PCDHGA5: variants seen among roughly 807,000 people sequenced by gnomAD.
The protein encoded by PCDHGA5 is protocadherin gamma-A5.
Under a neutral mutation model 56.7 loss-of-function variants are expected in PCDHGA5, and 36 were observed. The ratio of observed to expected loss-of-function variants is 0.64; its 90% CI spans 0.49 to 0.84. The LOEUF is 0.84. Among genes scored for constraint, PCDHGA5 ranks in the 40% least tolerant of loss-of-function variants. PCDHGA5 has a pLI of 0.00. For synonymous variants in PCDHGA5, 563 were observed against 520.2 expected (o/e 1.08, Z -1.12); for missense variants, 1,305 against 1,201.5 (o/e 1.09, Z -1.27).
intron 1 of PCDHGA5, chr5:141,372,071 A>G: frequency 6.2e-7 from 1 of 1,613,608 alleles, no homozygotes; most frequent in Non-Finnish European, 8.5e-7. Flanking sequence ...ACGACAATGC[A>G]CCGCTGGTGC....
At chr5:141,390,110 C>T (rs2092051149) in intron 1 of PCDHGA5, 22 of 1,613,970 alleles carry the variant, frequency 1.4e-5, no homozygotes, top group Non-Finnish European at 1.9e-5. Flanking sequence ...CCAACTACAG[C>T]GAGGGGACTT....
chr5:141,376,034 C>T, intron 1 of PCDHGA5: 1 of 1,613,128 alleles, frequency 6.2e-7, no homozygotes, highest in South Asian at 1.1e-5. Context: ...GGACCACGGC[C>T]AGCCCCCTCT....
At chr5:141,460,214 G>A (rs925628892) in intron 1 of PCDHGA5, among the ~76,000 whole-genome samples, 2 of 151,896 alleles carry the variant, frequency 1.3e-5, no homozygotes, top group Admixed American at 6.6e-5. Flanking sequence ...CATTTTCTTA[G>A]TTGTGTCTTT....
chr5:141,455,928 C>T (rs1160778812), intron 1 of PCDHGA5, among the ~76,000 whole-genome samples: 3 of 151,158 alleles, frequency 2.0e-5, no homozygotes, highest in African/African-American at 4.9e-5. Context: ...GACGGAGTCT[C>T]GCTCTGTCGC....
At position 141,423,043 on chromosome 5, in the gene PCDHGA5, T is replaced by C. The variant is rs940921497; in HGVS notation, c.2421+56292T>C. 10 of 1,614,058 alleles carry C rather than the reference T, an allele frequency of 6.2e-6. No homozygotes were observed. The Admixed American group carries it at 1.5e-4, about 24-fold the overall frequency. ...AGATTCAGGCCAGAACGCCTGGCTG[T>C]CCTATCGCCTGCTTAAGGCCAGCGA... is the stretch of plus-strand genomic sequence containing the variant. On this transcript the variant is annotated intron_variant, in intron 1 of 3. Transcript: ENST00000518069.
At chr5:141,384,058 C>T (rs1246180478) in intron 1 of PCDHGA5, 2 of 1,609,504 alleles carry the variant, frequency 1.2e-6, no homozygotes, top group Non-Finnish European at 1.7e-6. Context: ...CTGCACCATT[C>T]CAGAAAACCT....
At chr5:141,434,561 G>A (rs2097702856) in intron 1 of PCDHGA5, among the ~76,000 whole-genome samples, 1 of 152,188 alleles carries the variant, frequency 6.6e-6, no homozygotes, top group Non-Finnish European at 1.5e-5. Flanking sequence ...GTGCCTTAAG[G>A]ACATGCCCCT....
At chr5:141,478,322 C>G (rs1360535508) in intron 1 of PCDHGA5, 28 of 1,613,976 alleles carry the variant, frequency 1.7e-5, no homozygotes, top group Non-Finnish European at 2.3e-5. Context: ...CTCACTGTAC[C>G]GAACACCAGG....
At chr5:141,510,450 T>G (rs1273211856) in intron 3 of PCDHGA5, among the ~76,000 whole-genome samples, 1 of 151,946 alleles carries the variant, frequency 6.6e-6, no homozygotes, top group Non-Finnish European at 1.5e-5. Flanking sequence ...CAGGAGCCCA[T>G]GGTCTAGTGT....
intron 1 of PCDHGA5, chr5:141,394,617 G>T (rs369651266): frequency 8.1e-6 from 13 of 1,613,372 alleles, no homozygotes; most frequent in Non-Finnish European, 1.1e-5. Flanking sequence ...GGGCCAGAAC[G>T]CCTGGCTGTC....
intron 1 of PCDHGA5, chr5:141,398,027 T>G: frequency 6.9e-7 from 1 of 1,449,556 alleles, no homozygotes; most frequent in Non-Finnish European, 9.2e-7. Context: ...AAACTGGAAC[T>G]GGAACTAAAG....
chr5:141,375,605 A>C, intron 1 of PCDHGA5: 2 of 1,614,082 alleles, frequency 1.2e-6, no homozygotes, highest in Non-Finnish European at 1.7e-6. Flanking sequence ...CGTGTCCATC[A>C]ACTCCGACAC....
At chr5:141,497,077 G>A (rs191605427) in intron 2 of PCDHGA5, among the ~76,000 whole-genome samples, 4 of 151,990 alleles carry the variant, frequency 2.6e-5, no homozygotes, top group East Asian at 3.9e-4. Flanking sequence ...TAATCCCAGC[G>A]ACTTAGGAGG....
chr5:141,399,519 G>A (rs1467117930), intron 1 of PCDHGA5: 2 of 1,614,036 alleles, frequency 1.2e-6, no homozygotes, highest in Non-Finnish European at 1.7e-6. Context: ...ACCCTCCTGG[G>A]GCCTCCATCG....
rs757761874 is a variant in PCDHGA5 at position 141,375,430 on chromosome 5, G to A, written c.2421+8679G>A. 34 of 1,613,728 alleles carry A rather than the reference G, an allele frequency of 2.1e-5. No individual in the cohort carries two copies. The Admixed American group carries it at 5.2e-4, about 25-fold the overall frequency. ...ATGTGGCAGACACCAACGACAACCC[G>A]CCCACCTTCCCCCATTCATCCTACT... On this transcript the variant is annotated intron_variant, in intron 1 of 3. Transcript: ENST00000518069.
intron 1 of PCDHGA5, chr5:141,407,890 A>C (rs2094997846): frequency 2.5e-6 from 1 of 395,960 alleles, no homozygotes. Flanking sequence ...TCGGAGACCG[A>C]ATTCAAAATG....
intron 1 of PCDHGA5, among the ~76,000 whole-genome samples, chr5:141,437,723 G>A (rs2097904411): frequency 6.6e-6 from 1 of 150,736 alleles, no homozygotes; most frequent in South Asian, 2.1e-4. Context: ...ACCCTCTAAT[G>A]TTACACTTTG....
At chr5:141,409,358 A>G (rs757614552) in intron 1 of PCDHGA5, 2 of 1,613,900 alleles carry the variant, frequency 1.2e-6, no homozygotes, top group Non-Finnish European at 8.5e-7. Flanking sequence ...CAGGTGTAAT[A>G]TAGAAACAGA....
intron 1 of PCDHGA5, chr5:141,428,587 G>T: frequency 4.4e-6 from 1 of 226,768 alleles, no homozygotes; most frequent in Non-Finnish European, 8.9e-6. Context: ...AGTTTCTCTG[G>T]TAGCAAGCTT....
Sources: allele counts gnomAD v4.1 joint callset (sites outside exome capture counted in the v4.1 genomes callset), GRCh38; gene constraint gnomAD v4.1.1; transcripts MANE v1.5; gene names NCBI Gene and HGNC (gene_info 2026-07-23, HGNC 2026-07-21).